KLHL32: variants seen among roughly 807,000 people sequenced by gnomAD.
KLHL32 encodes the protein kelch like family member 32.
A neutral mutation model predicts 64.8 loss-of-function variants in KLHL32; 35 were observed. That is an observed-to-expected ratio of 0.54 (90% CI 0.41 to 0.72). The LOEUF (loss-of-function observed/expected upper bound fraction) is 0.72. Among genes scored for constraint, KLHL32 ranks in the 30% least tolerant of loss-of-function variants. The pLI, the probability that KLHL32 is intolerant of heterozygous loss-of-function variation, is 0.00. For missense variants in KLHL32, 589 were observed against 768.5 expected (o/e 0.77, Z 2.76); for synonymous variants, 259 against 281.0 (o/e 0.92, Z 0.78).
chr6:97,117,301 G>A (rs1273093024), intron 7 of KLHL32, among the ~76,000 whole-genome samples: 1 of 152,174 alleles, frequency 6.6e-6, no homozygotes, highest in Admixed American at 6.5e-5. Context: ...GATGGGAATT[G>A]AATCATTGGC....
At chr6:97,015,981 G>A (rs1057476894) in intron 3 of KLHL32, among the ~76,000 whole-genome samples, 1 of 152,230 alleles carries the variant, frequency 6.6e-6, no homozygotes, top group Admixed American at 6.5e-5. Context: ...GGGGCTGTGG[G>A]TGCACAGAAG....
intron 3 of KLHL32, among the ~76,000 whole-genome samples, chr6:96,993,060 G>A (rs1263507565): frequency 6.6e-6 from 1 of 152,222 alleles, no homozygotes; most frequent in Non-Finnish European, 1.5e-5. Context: ...ACTGTTATCT[G>A]GGCAGTGCTA....
At chr6:97,051,763 G>A (rs1786945353) in intron 4 of KLHL32, among the ~76,000 whole-genome samples, 1 of 152,072 alleles carries the variant, frequency 6.6e-6, no homozygotes, top group African/African-American at 2.4e-5. Flanking sequence ...TTATATAGTG[G>A]GGAGTCTTGG....
At position 96,942,654 on chromosome 6, in the gene KLHL32, G is replaced by GGTGTGTGTGTGTGT. The variant is rs373680196; in HGVS notation, c.-66+17652_-66+17665dup. Among the ~76,000 whole-genome samples the GGTGTGTGTGTGTGT allele has an allele frequency of 2.5e-4, 36 of 144,318 alleles. 1 individual carries two copies. Among genetic ancestry groups the GGTGTGTGTGTGTGT allele is most frequent in the African/African-American group, 8.3e-4 (32 of 38,390 alleles). The allele number at this position is 144,318 out of a possible 152,430, so 94.7% of individuals were successfully genotyped here. ...TAACAGTGACTTGCTACAGCTGTGG[G>GGTGTGTGTGTGTGT]GTGTGTGTGTGTGTGTGTGTGTGTG... On this transcript the variant is annotated intron_variant, in intron 1 of 10. Coordinates refer to ENST00000369261, the MANE Select transcript of KLHL32 (RefSeq NM_052904.4).
At chr6:97,074,106 A>G (rs1247701634) in intron 5 of KLHL32, among the ~76,000 whole-genome samples, 1 of 152,196 alleles carries the variant, frequency 6.6e-6, no homozygotes, top group Non-Finnish European at 1.5e-5. Context: ...CAGTATATTT[A>G]TGCAGGACAG....
intron 5 of KLHL32, among the ~76,000 whole-genome samples, chr6:97,068,325 A>G (rs550608438): frequency 6.6e-6 from 1 of 152,316 alleles, no homozygotes; most frequent in African/African-American, 2.4e-5. Flanking sequence ...CATCATGTAG[A>G]CTTTTCAAAT....
chr6:96,930,769 C>G (rs1160586982), intron 1 of KLHL32, among the ~76,000 whole-genome samples: 1 of 152,080 alleles, frequency 6.6e-6, no homozygotes, highest in Non-Finnish European at 1.5e-5. Context: ...TGTCTTTTCT[C>G]TCTGACAAGC....
chr6:97,016,558 T>C (rs1220600234), intron 3 of KLHL32, among the ~76,000 whole-genome samples: 1 of 152,246 alleles, frequency 6.6e-6, no homozygotes, highest in African/African-American at 2.4e-5. Flanking sequence ...TGCTTTTGAT[T>C]TTACAGGCTT....
chr6:97,024,520 G>A (rs1582752264), intron 3 of KLHL32, among the ~76,000 whole-genome samples: 1 of 151,964 alleles, frequency 6.6e-6, no homozygotes, highest in Non-Finnish European at 1.5e-5. Flanking sequence ...AGTGATATTG[G>A]TCAAATGTTA....
the KLHL32 span, among the ~76,000 whole-genome samples, chr6:96,900,391 T>A: frequency 8.5e-5 from 13 of 152,282 alleles, no homozygotes; most frequent in East Asian, 1.7e-3. Context: ...GATAAAAAAA[T>A]TTGAGATTAC....
intron 3 of KLHL32, among the ~76,000 whole-genome samples, chr6:97,037,686 T>C (rs1438440636): frequency 6.6e-6 from 1 of 152,070 alleles, no homozygotes; most frequent in East Asian, 1.9e-4. Flanking sequence ...AAATCTTAAA[T>C]ATAAATGGAA....
At chr6:96,957,066 C>T (rs939075603) in intron 1 of KLHL32, among the ~76,000 whole-genome samples, 2 of 152,078 alleles carry the variant, frequency 1.3e-5, no homozygotes, top group Admixed American at 6.5e-5. Flanking sequence ...TTGATTTATG[C>T]CAAAGATTAT....
intron 5 of KLHL32, among the ~76,000 whole-genome samples, chr6:97,076,259 T>C (rs1272037224): frequency 6.6e-6 from 1 of 152,240 alleles, no homozygotes; most frequent in Non-Finnish European, 1.5e-5. Flanking sequence ...ATATTAGACA[T>C]TCAGTGTTTT....
intron 6 of KLHL32, among the ~76,000 whole-genome samples, chr6:97,102,235 G>A (rs995436011): frequency 9.9e-5 from 15 of 152,098 alleles, no homozygotes; most frequent in African/African-American, 3.1e-4. Context: ...ACCAATTTGT[G>A]ATAGAAAAAA....
At chr6:97,086,281 G>T (rs995113934) in intron 6 of KLHL32, among the ~76,000 whole-genome samples, 5 of 152,180 alleles carry the variant, frequency 3.3e-5, no homozygotes, top group Admixed American at 6.5e-5. Flanking sequence ...GGCCAAAATT[G>T]TCATATAGGT....
chr6:96,965,236 T>A (rs1419830022), intron 1 of KLHL32, among the ~76,000 whole-genome samples: 3 of 152,236 alleles, frequency 2.0e-5, no homozygotes, highest in African/African-American at 4.8e-5. Context: ...CCATATTTTT[T>A]AAATTCAGTC....
intron 3 of KLHL32, among the ~76,000 whole-genome samples, chr6:96,985,679 G>C (rs912838276): frequency 4.6e-5 from 7 of 152,164 alleles, no homozygotes; most frequent in African/African-American, 1.4e-4. Flanking sequence ...ACTGAGGCTT[G>C]TGCATTTGTC....
chr6:97,019,421 A>C (rs1781685831), intron 3 of KLHL32, among the ~76,000 whole-genome samples: 1 of 152,214 alleles, frequency 6.6e-6, no homozygotes, highest in Non-Finnish European at 1.5e-5. Context: ...AGGAGCTAAA[A>C]TGTTTTTCAG....
At chr6:96,974,526 A>G (rs1458553056) in intron 2 of KLHL32, among the ~76,000 whole-genome samples, 1 of 152,224 alleles carries the variant, frequency 6.6e-6, no homozygotes, top group Non-Finnish European at 1.5e-5. Context: ...ACTCACTGCT[A>G]CATTTCAACT....
Sources: allele counts gnomAD v4.1 joint callset (sites outside exome capture counted in the v4.1 genomes callset), GRCh38; gene constraint gnomAD v4.1.1; transcripts MANE v1.5; gene names NCBI Gene and HGNC (gene_info 2026-07-23, HGNC 2026-07-21).